SPMIP2: variants seen among roughly 807,000 people sequenced by gnomAD.
The protein encoded by SPMIP2 is protein SPMIP2.
the SPMIP2 span, among the ~76,000 whole-genome samples, chr4:158,962,288 G>C: frequency 1.3e-5 from 2 of 152,066 alleles, no homozygotes; most frequent in Non-Finnish European, 2.9e-5. Context: ...AAGTCTTTTG[G>C]GGACTGTTCC....
the SPMIP2 span, among the ~76,000 whole-genome samples, chr4:158,995,820 G>A: frequency 8.0e-6 from 1 of 125,768 alleles, no homozygotes; most frequent in Non-Finnish European, 1.6e-5. Flanking sequence ...TTGCACCACC[G>A]CACTCCAGCC....
the SPMIP2 span, among the ~76,000 whole-genome samples, chr4:159,074,189 T>TA: frequency 6.6e-6 from 1 of 152,176 alleles, no homozygotes; most frequent in Admixed American, 6.5e-5. Context: ...TTATACTTTT[T>TA]ACCATTATTT....
chr4:158,899,732 ATTCTC>A, the SPMIP2 span, among the ~76,000 whole-genome samples: 2 of 151,868 alleles, frequency 1.3e-5, no homozygotes, highest in African/African-American at 4.8e-5. Context: ...CTATTTGAAT[ATTCTC>A]TTCTTTCTTC....
At chr4:158,933,016 T>C in the SPMIP2 span, among the ~76,000 whole-genome samples, 1 of 152,242 alleles carries the variant, frequency 6.6e-6, no homozygotes, top group African/African-American at 2.4e-5. Context: ...ATTTATTTAT[T>C]TGTTAATTAC....
chr4:159,020,706 C>T, the SPMIP2 span, among the ~76,000 whole-genome samples: 1 of 152,186 alleles, frequency 6.6e-6, no homozygotes, highest in South Asian at 2.1e-4. Context: ...CAAATGTATG[C>T]TTCAACTTCC....
chr4:158,930,191 G>GTCTCTCTCTCTCTCTCTCTCTCTC, the SPMIP2 span, among the ~76,000 whole-genome samples: 180 of 144,228 alleles, frequency 1.2e-3, 1 homozygote, highest in African/African-American at 4.5e-3. Context: ...GAGGATCTCA[G>GTCTCTCTCTCTCTCTCTCTCTCTC]TCTCTCTCTC....
At chr4:158,896,705 C>T in the SPMIP2 span, among the ~76,000 whole-genome samples, 1 of 151,454 alleles carries the variant, frequency 6.6e-6, no homozygotes, top group Non-Finnish European at 1.5e-5. Context: ...TTCTTACATA[C>T]TTTATTTACA....
At chr4:158,970,539 CAAA>C in the SPMIP2 span, among the ~76,000 whole-genome samples, 1 of 45,670 alleles carries the variant, frequency 2.2e-5, no homozygotes, top group Non-Finnish European at 4.4e-5. Flanking sequence ...GACCTTGTCT[CAAA>C]AAAGAAAAAC....
the SPMIP2 span, among the ~76,000 whole-genome samples, chr4:159,000,651 G>A: frequency 6.6e-5 from 10 of 151,886 alleles, no homozygotes; most frequent in Admixed American, 3.3e-4. Flanking sequence ...ACGCCACCAC[G>A]CCCGGCTAGT....
chr4:158,935,144 T>C, the SPMIP2 span, among the ~76,000 whole-genome samples: 5 of 152,200 alleles, frequency 3.3e-5, no homozygotes, highest in South Asian at 2.1e-4. Context: ...AACAATACCC[T>C]GTGTTTTCGC....
chr4:159,038,143 A>G, the SPMIP2 span, among the ~76,000 whole-genome samples: 1 of 152,208 alleles, frequency 6.6e-6, no homozygotes, highest in Non-Finnish European at 1.5e-5. Flanking sequence ...TTTTGCAGAC[A>G]TCTTTGGGAT....
the SPMIP2 span, among the ~76,000 whole-genome samples, chr4:158,894,170 C>CTT: frequency 2.8e-3 from 360 of 127,448 alleles, 3 homozygotes; most frequent in Middle Eastern, 8.0e-3. Context: ...AAAATGTTTT[C>CTT]TTTTTTTTTT....
chr4:158,906,818 C>T, the SPMIP2 span: 3 of 151,970 alleles, frequency 2.0e-5, no homozygotes, highest in Non-Finnish European at 4.4e-5. Flanking sequence ...AAAAAAAAAA[C>T]CTCACAGAAT....
chr4:159,057,969 A>G, the SPMIP2 span, among the ~76,000 whole-genome samples: 2 of 152,196 alleles, frequency 1.3e-5, no homozygotes, highest in East Asian at 3.9e-4. Flanking sequence ...GGCTCAATCA[A>G]TCCTCCCACC....
the SPMIP2 span, among the ~76,000 whole-genome samples, chr4:159,057,864 G>GTTGT: frequency 3.9e-5 from 6 of 151,994 alleles, no homozygotes; most frequent in Admixed American, 3.9e-4. Context: ...TTGTAAGTTG[G>GTTGT]TTGTTTGTTT....
At chr4:159,000,035 T>A in the SPMIP2 span, among the ~76,000 whole-genome samples, 4 of 152,120 alleles carry the variant, frequency 2.6e-5, no homozygotes, top group East Asian at 1.9e-4. Flanking sequence ...CTTTTTTTTT[T>A]AAACCAGCTT....
the SPMIP2 span, among the ~76,000 whole-genome samples, chr4:158,987,932 C>A: frequency 6.6e-6 from 1 of 151,922 alleles, no homozygotes. Context: ...ACAAAAAACC[C>A]TTCAAAAAAT....
chr4:159,013,505 GA>G, the SPMIP2 span, among the ~76,000 whole-genome samples: 1 of 152,178 alleles, frequency 6.6e-6, no homozygotes, highest in Non-Finnish European at 1.5e-5. Flanking sequence ...TGTCTGGTAG[GA>G]GCCCACCTTC....
At chr4:159,014,552 G>T in the SPMIP2 span, among the ~76,000 whole-genome samples, 3 of 152,090 alleles carry the variant, frequency 2.0e-5, no homozygotes, top group Non-Finnish European at 2.9e-5. Context: ...GGGTACATGT[G>T]CACATTGTGC....
Sources: allele counts gnomAD v4.1 joint callset (sites outside exome capture counted in the v4.1 genomes callset), GRCh38; gene constraint gnomAD v4.1.1; transcripts MANE v1.5; gene names NCBI Gene and HGNC (gene_info 2026-07-23, HGNC 2026-07-21).